The following CTSC variants were observed in gnomAD, a reference collection of about 807,000 sequenced individuals.
CTSC encodes cathepsin C.
CTSC carries 37 observed loss-of-function variants against 40.9 expected under a neutral mutation model. That is an observed-to-expected ratio of 0.91 (90% CI 0.70 to 1.19). The LOEUF is 1.19. Ranked by LOEUF, CTSC falls within the 50% of genes most tolerant of loss-of-function variation. The probability of loss-of-function intolerance (pLI) is 0.00; values close to 1 mark genes in which losing one functional copy is unlikely to be tolerated. For missense variants in CTSC, 594 were observed against 567.3 expected (o/e 1.05, Z -0.48); for synonymous variants, 232 against 207.4 (o/e 1.12, Z -1.02).
chr11:88,329,033 C>T (rs1426080712), intron 2 of CTSC, among the ~76,000 whole-genome samples: 2 of 152,146 alleles, frequency 1.3e-5, no homozygotes, highest in Non-Finnish European at 2.9e-5. Context: ...ATAAAATTTC[C>T]AGCCATAATG....
intron 5 of CTSC, 193 bp from the exon 6 acceptor site, chr11:88,296,457 T>C (rs987311403): frequency 2.3e-5 from 14 of 615,642 alleles, no homozygotes; most frequent in African/African-American, 2.2e-4. Flanking sequence ...TTTCATCCTT[T>C]TTCATCAAAA....
chr11:88,332,634 A>G (rs1938391347), intron 2 of CTSC, among the ~76,000 whole-genome samples: 1 of 152,232 alleles, frequency 6.6e-6, no homozygotes, highest in Non-Finnish European at 1.5e-5. Flanking sequence ...AAAAAGAAGT[A>G]TCCTATTATA....
At chr11:88,335,147 C>T (rs1938460271) in intron 1 of CTSC, 65 bp from the exon 2 acceptor site, 9 of 1,081,534 alleles carry the variant, frequency 8.3e-6, no homozygotes, top group Non-Finnish European at 9.8e-6. Flanking sequence ...GGAAAGAATC[C>T]CCCAATTTCA....
At chr11:88,309,667 G>A (rs893104716) in intron 3 of CTSC, among the ~76,000 whole-genome samples, 3 of 151,988 alleles carry the variant, frequency 2.0e-5, no homozygotes, top group Non-Finnish European at 4.4e-5. Flanking sequence ...ATATGGAAGA[G>A]TGCTCACAAC....
At chr11:88,327,889 CA>C (rs1938234370) in intron 2 of CTSC, 2 of 551,972 alleles carry the variant, frequency 3.6e-6, no homozygotes, top group Admixed American at 3.1e-5. Flanking sequence ...GCTGATTTGA[CA>C]TGTGAAAACA....
chr11:88,325,714 A>T (rs1938162721), intron 2 of CTSC: 1 of 985,198 alleles, frequency 1.0e-6, no homozygotes, highest in Non-Finnish European at 1.2e-6. Flanking sequence ...GAAAAAAAAT[A>T]GGGTGTTTAC....
In CTSC at chr11:88,335,190, C is replaced by T. The variant is rs775530621; in HGVS notation, c.173-108G>A. The T allele has an allele frequency of 2.9e-4, 225 of 784,894 alleles. 1 individual carries two copies. Among genetic ancestry groups the T allele is most frequent in the Non-Finnish European group, 4.2e-4 (197 of 466,616 alleles). The allele number at this position is 784,894 out of a possible 1,614,324, so 48.6% of individuals were successfully genotyped here. A position where few individuals can be genotyped will look rare whatever the true frequency, so the allele number is the denominator to read the frequency against. ...TTGTGCTGCTTTCCTTTCATGCTAC[C>T]CAGTTTGAGCACAGTCTGCCTAGTG... On this transcript the variant is annotated intron_variant, in intron 1 of 6. Transcript: ENST00000227266.
At chr11:88,334,660 A>G (rs967866362) in intron 2 of CTSC, 13 of 372,334 alleles carry the variant, frequency 3.5e-5, no homozygotes, top group African/African-American at 6.3e-5. Context: ...AGTAATAAGG[A>G]AAATAAATTA....
At chr11:88,319,903 A>G (rs1311604977) in intron 2 of CTSC, among the ~76,000 whole-genome samples, 1 of 152,218 alleles carries the variant, frequency 6.6e-6, no homozygotes, top group Non-Finnish European at 1.5e-5. Flanking sequence ...CAGCAACATT[A>G]AAAAACAAAA....
At chr11:88,335,517 G>C (rs1369390080) in intron 1 of CTSC, among the ~76,000 whole-genome samples, 1 of 152,166 alleles carries the variant, frequency 6.6e-6, no homozygotes, top group East Asian at 1.9e-4. Context: ...GGAGTTGGAG[G>C]CTGCAGTGAG....
At chr11:88,316,951 A>G (rs776334220) in intron 2 of CTSC, among the ~76,000 whole-genome samples, 2 of 151,602 alleles carry the variant, frequency 1.3e-5, no homozygotes, top group East Asian at 1.9e-4. Context: ...GCAAATCCTT[A>G]TATCTGTGGT....
intron 3 of CTSC, 81 bp downstream of exon 3, chr11:88,312,307 C>A (rs1937780300): frequency 7.1e-7 from 1 of 1,404,532 alleles, no homozygotes; most frequent in Non-Finnish European, 1.0e-6. Flanking sequence ...TATAATCAAA[C>A]TAAAATTCCA....
chr11:88,332,332 T>C lies in CTSC; in HGVS notation c.318+2605A>G, dbSNP rs1362758920. Among the ~76,000 whole-genome samples the C allele has an allele frequency of 2.0e-5, 3 of 152,200 alleles. No homozygotes were observed. The East Asian group carries it at 5.8e-4, about 29-fold the overall frequency. On this transcript the variant is annotated intron_variant, in intron 2 of 6. Coordinates refer to ENST00000227266, the MANE Select transcript of CTSC (RefSeq NM_001814.6). ...GAACAATTCTCACATGCAATACTTATTACATGGGCTTGTGTTTTCCTTGAG... is the reference window on the plus strand; with the variant it reads ...GAACAATTCTCACATGCAATACTTACTACATGGGCTTGTGTTTTCCTTGAG...
intron 4 of CTSC, among the ~76,000 whole-genome samples, chr11:88,306,218 T>TA (rs1937630123): frequency 6.6e-6 from 1 of 152,212 alleles, no homozygotes; most frequent in Admixed American, 6.5e-5. Context: ...AACCTTCACA[T>TA]AGTCTCACAG....
intron 1 of CTSC, among the ~76,000 whole-genome samples, 199 bp downstream of exon 1, chr11:88,337,302 G>A (rs1938525407): frequency 1.3e-5 from 2 of 152,216 alleles, no homozygotes; most frequent in South Asian, 2.1e-4. Context: ...AAAGTGTGGA[G>A]TTAGAAGTTC....
chr11:88,311,545 G>A (rs1937757867), intron 3 of CTSC, among the ~76,000 whole-genome samples: 1 of 152,132 alleles, frequency 6.6e-6, no homozygotes, highest in Admixed American at 6.5e-5. Context: ...TCTCCTGTTT[G>A]TGTGGTTTAG....
intron 1 of CTSC, among the ~76,000 whole-genome samples, 160 bp downstream of exon 1, chr11:88,337,341 C>G (rs1198710749): frequency 1.3e-5 from 2 of 152,198 alleles, no homozygotes; most frequent in East Asian, 3.8e-4. Context: ...CTTCGCGAGC[C>G]TGGCGGGGAA....
At chr11:88,316,204 A>G (rs1248985041) in intron 2 of CTSC, among the ~76,000 whole-genome samples, 1 of 152,176 alleles carries the variant, frequency 6.6e-6, no homozygotes, top group Non-Finnish European at 1.5e-5. Context: ...GAACAGAAAG[A>G]AAGAATAATG....
At chr11:88,321,076 A>G in intron 2 of CTSC, 1 of 976,688 alleles carries the variant, frequency 1.0e-6, no homozygotes, top group Non-Finnish European at 1.2e-6. Flanking sequence ...TGTTGATGCA[A>G]AATTACTCAG....
Sources: allele counts gnomAD v4.1 joint callset (sites outside exome capture counted in the v4.1 genomes callset), GRCh38; gene constraint gnomAD v4.1.1; transcripts MANE v1.5; gene names NCBI Gene and HGNC (gene_info 2026-07-23, HGNC 2026-07-21).